Variants in PSEN1 observed in about 807,000 individuals in gnomAD.
PSEN1 encodes presenilin-1.
In PSEN1, 15 loss-of-function variants were observed where a neutral mutation model predicts 53.5. The ratio of observed to expected loss-of-function variants is 0.28; its 90% CI spans 0.19 to 0.43. The LOEUF (loss-of-function observed/expected upper bound fraction) is 0.43. PSEN1 is among the 20% of genes least tolerant of loss of function. PSEN1 has a pLI of 1.00. For missense variants in PSEN1, 387 were observed against 571.2 expected (o/e 0.68, Z 3.29); for synonymous variants, 208 against 209.8 (o/e 0.99, Z 0.08).
intron 1 of PSEN1, among the ~76,000 whole-genome samples, chr14:73,142,306 T>C (rs1461976718): frequency 6.6e-6 from 1 of 152,186 alleles, no homozygotes; most frequent in Non-Finnish European, 1.5e-5. Flanking sequence ...CACAAGCTCA[T>C]TGGCACTTGA....
At chr14:73,182,964 T>A (rs1898269390) in intron 5 of PSEN1, among the ~76,000 whole-genome samples, 1 of 152,226 alleles carries the variant, frequency 6.6e-6, no homozygotes, top group Non-Finnish European at 1.5e-5. Flanking sequence ...TAATATTTAC[T>A]CTGGTCCTTA....
At chr14:73,169,894 C>T (rs1182011596) in intron 3 of PSEN1, among the ~76,000 whole-genome samples, 1 of 152,176 alleles carries the variant, frequency 6.6e-6, no homozygotes, top group East Asian at 1.9e-4. Flanking sequence ...GATCTGCCCA[C>T]CTTGGCCTCC....
At chr14:73,197,857 C>A (rs1899017534) in intron 7 of PSEN1, 174 bp from the exon 8 acceptor site, 4 of 603,272 alleles carry the variant, frequency 6.6e-6, no homozygotes, top group Admixed American at 5.8e-5. Context: ...TATGTTGTCT[C>A]CCCCACCCCC....
chr14:73,137,639 G>A (rs1042527943), intron 1 of PSEN1, among the ~76,000 whole-genome samples: 1 of 152,190 alleles, frequency 6.6e-6, no homozygotes, highest in African/African-American at 2.4e-5. Flanking sequence ...TGAGGAGAAT[G>A]AGTGTGGTTG....
At chr14:73,177,099 C>T (rs967626984) in intron 5 of PSEN1, among the ~76,000 whole-genome samples, 2 of 152,158 alleles carry the variant, frequency 1.3e-5, no homozygotes, top group Non-Finnish European at 2.9e-5. Flanking sequence ...CTACTTTGGT[C>T]CTTTTTGCAG....
At chr14:73,206,774 C>G (rs976206981) in intron 9 of PSEN1, among the ~76,000 whole-genome samples, 2 of 151,416 alleles carry the variant, frequency 1.3e-5, no homozygotes, top group Non-Finnish European at 2.9e-5. Flanking sequence ...TTTTATAAGT[C>G]ATGATTTTAA....
At chr14:73,202,271 C>T (rs1422793350) in intron 8 of PSEN1, among the ~76,000 whole-genome samples, 1 of 149,622 alleles carries the variant, frequency 6.7e-6, no homozygotes, top group Admixed American at 6.7e-5. Flanking sequence ...ATACATTCTA[C>T]TCAAAGTGAG....
chr14:73,138,364 G>A (rs1230288359), intron 1 of PSEN1, among the ~76,000 whole-genome samples: 3 of 151,454 alleles, frequency 2.0e-5, no homozygotes, highest in Admixed American at 6.6e-5. Context: ...GACTACAGGC[G>A]TCCGCCACCA....
intron 8 of PSEN1, among the ~76,000 whole-genome samples, chr14:73,201,695 G>A (rs1393549438): frequency 6.6e-6 from 1 of 152,178 alleles, no homozygotes; most frequent in African/African-American, 2.4e-5. Context: ...CCTGACAGGA[G>A]AACAGGTTTC....
chr14:73,171,136 A>G, intron 4 of PSEN1, 89 bp downstream of exon 4: 3 of 1,503,942 alleles, frequency 2.0e-6, no homozygotes, highest in African/African-American at 2.8e-5. Context: ...CTCTGCATTG[A>G]AGGGGCATGA....
Position 73,211,857 on chromosome 14 carries a change from AG to A in PSEN1, c.1047del (p.Pro350LeufsTer30). On this transcript the variant is annotated frameshift_variant, in exon 10 of 12. Transcript: ENST00000324501. LOFTEE classifies it high-confidence loss of function. Reference protein sequence around the residue: ...EWEAQRDSHLGPHRSTPESRA... With the variant: ...EWEAQRDSHLXPHRSTPESRA... ...GGGAAGCCCAGAGGGACAGTCATCT[AG>A]GGCCTCATCGCTCTACACCTGAGTC... 6.2e-7 allele frequency: 1 copy of A among 1,613,604 alleles called. No homozygotes were observed.
chr14:73,165,949 G>C lies in PSEN1; in HGVS notation c.88-4848G>C, dbSNP rs182581571. Among the ~76,000 whole-genome samples, 24 of 151,508 alleles carry C rather than the reference G, an allele frequency of 1.6e-4. No individual in the cohort carries two copies. In the East Asian group the frequency reaches 4.3e-3, roughly 27 times the overall value. On this transcript the variant is annotated intron_variant, in intron 3 of 11. Transcript: ENST00000324501. ...TGGATGCCGATAATCCCAGCTCCTC[G>C]GGAGGCTGACGCGGGAGAATTGCTT...
intron 1 of PSEN1, among the ~76,000 whole-genome samples, chr14:73,141,838 C>T (rs1896937263): frequency 6.6e-6 from 1 of 152,056 alleles, no homozygotes; most frequent in Admixed American, 6.6e-5. Flanking sequence ...GAGGCAGAGG[C>T]TGGCAGATCA....
intron 3 of PSEN1, among the ~76,000 whole-genome samples, chr14:73,156,197 C>A (rs1438466444): frequency 6.6e-6 from 1 of 151,348 alleles, no homozygotes; most frequent in Non-Finnish European, 1.5e-5. Flanking sequence ...GTAAATAATA[C>A]TAATAGTAAT....
intron 7 of PSEN1, among the ~76,000 whole-genome samples, chr14:73,194,239 C>CTT (rs142355580): frequency 3.4e-5 from 5 of 149,084 alleles, no homozygotes; most frequent in African/African-American, 1.2e-4. Flanking sequence ...TGGCCATACT[C>CTT]TTTTTTTTTT....
chr14:73,153,838 G>A (rs968390474), intron 3 of PSEN1, among the ~76,000 whole-genome samples: 7 of 150,892 alleles, frequency 4.6e-5, no homozygotes, highest in Non-Finnish European at 8.8e-5. Flanking sequence ...TTAGTCTCCC[G>A]AGTAGTTGGG....
chr14:73,170,742 A>C (rs1026132562), intron 3 of PSEN1, 55 bp from the exon 4 acceptor site: 9 of 1,598,638 alleles, frequency 5.6e-6, no homozygotes, highest in Non-Finnish European at 6.8e-6. Context: ...TCTAACCGTT[A>C]CCTTGATTCT....
chr14:73,211,665 G>A, intron 9 of PSEN1, 104 bp from the exon 10 acceptor site: 3 of 1,264,154 alleles, frequency 2.4e-6, no homozygotes, highest in Non-Finnish European at 3.4e-6. Flanking sequence ...TGGTTTAAGG[G>A]CCAGCTAGTT....
chr14:73,160,400 T>G (rs1366560212), intron 3 of PSEN1, among the ~76,000 whole-genome samples: 1 of 152,246 alleles, frequency 6.6e-6, no homozygotes, highest in South Asian at 2.1e-4. Flanking sequence ...AGTTCGTTTT[T>G]ATATATACTC....
Sources: allele counts gnomAD v4.1 joint callset (sites outside exome capture counted in the v4.1 genomes callset), GRCh38; gene constraint gnomAD v4.1.1; transcripts MANE v1.5; gene names NCBI Gene and HGNC (gene_info 2026-07-23, HGNC 2026-07-21).